KIF16B: variants seen among roughly 807,000 people sequenced by gnomAD.
KIF16B encodes the protein kinesin-like protein KIF16B.
In KIF16B, 98 loss-of-function variants were observed where a neutral mutation model predicts 156.3. The ratio of observed to expected loss-of-function variants is 0.63; its 90% CI spans 0.53 to 0.74. KIF16B has a LOEUF of 0.74. Ranked by LOEUF, KIF16B falls within the 30% of genes least tolerant of loss-of-function variation. The pLI is 0.00. For missense variants in KIF16B, 1,421 were observed against 1,606.5 expected, an observed-to-expected ratio of 0.88 and a Z score of 1.97; for synonymous variants, 564 against 583.7, an observed-to-expected ratio of 0.97 and a Z score of 0.49.
At chr20:16,406,266 C>T in intron 16 of KIF16B, 108 bp downstream of exon 16, 1 of 878,162 alleles carries the variant, frequency 1.1e-6, no homozygotes, top group Non-Finnish European at 1.9e-6. Context: ...ACTACTTTTC[C>T]ACGGTTCTGC....
intron 12 of KIF16B, among the ~76,000 whole-genome samples, chr20:16,475,816 C>A (rs6111155): frequency 0.38 from 57,824 of 151,990 alleles, 12,655 homozygotes; most frequent in African/African-American, 0.6. Flanking sequence ...ACCCAATTTT[C>A]AAAAACCTTT....
intron 23 of KIF16B, 23 bp downstream of exon 23, chr20:16,356,307 A>G (rs370895401): frequency 7.4e-6 from 12 of 1,613,804 alleles, no homozygotes; most frequent in Non-Finnish European, 1.0e-5. Context: ...TCCATTCTCC[A>G]GAAGAGTCAA....
chr20:16,301,914 T>G (rs936989430), intron 25 of KIF16B, among the ~76,000 whole-genome samples: 2 of 152,168 alleles, frequency 1.3e-5, no homozygotes, highest in Non-Finnish European at 2.9e-5. Flanking sequence ...CCTCTCAAAG[T>G]GTTGGGATTA....
At chr20:16,373,998 G>C (rs2064883335) in intron 20 of KIF16B, among the ~76,000 whole-genome samples, 1 of 152,208 alleles carries the variant, frequency 6.6e-6, no homozygotes, top group Non-Finnish European at 1.5e-5. Flanking sequence ...ATCCTCTGCA[G>C]ATATCAAGGG....
At chr20:16,350,195 GT>G (rs751120194) in intron 23 of KIF16B, among the ~76,000 whole-genome samples, 4 of 152,228 alleles carry the variant, frequency 2.6e-5, no homozygotes, top group Non-Finnish European at 4.4e-5. Flanking sequence ...TTGTCTGTGT[GT>G]AGTTCTGCAT....
At chr20:16,367,106 A>T in intron 22 of KIF16B, 1 of 1,508,280 alleles carries the variant, frequency 6.6e-7, no homozygotes, top group South Asian at 1.4e-5. Flanking sequence ...TTTATTAATG[A>T]TCTCAAAAAA....
At position 16,299,612 on chromosome 20, in the gene KIF16B, T is replaced by C. The variant is rs111738054; in HGVS notation, c.3795+12723A>G. Among the ~76,000 whole-genome samples, 1,105 of 152,308 alleles carry C rather than the reference T, an allele frequency of 7.3e-3. 21 individuals are homozygous for C. Among genetic ancestry groups the C allele is most frequent in the African/African-American group, 0.025 (1,048 of 41,576 alleles). ...GGTTGCAAAGAATTGCCACAGAAGG[T>C]CACTCTGTACCAAAGAGAACTTTGG... On this transcript the variant is annotated intron_variant, in intron 25 of 25. Transcript: ENST00000354981.
chr20:16,517,916 T>C (rs1328984092), intron 3 of KIF16B, among the ~76,000 whole-genome samples: 2 of 152,190 alleles, frequency 1.3e-5, no homozygotes, highest in African/African-American at 4.8e-5. Flanking sequence ...ACCAAAGTCA[T>C]GGAAAATATC....
rs368235877 is a variant in KIF16B, at chr20:16,428,095, T to C, written c.1475-854A>G. On this transcript the variant is annotated intron_variant, in intron 14 of 25. Coordinates refer to ENST00000354981, the MANE Select transcript of KIF16B (RefSeq NM_024704.5). ...TTAGAAGAAGAGGCCTGATGCCTAC[T>C]TCTACCCAAACATAGGTGAATCTGG... is the stretch of plus-strand genomic sequence containing the variant. Among the ~76,000 whole-genome samples the C allele has an allele frequency of 2.0e-5, 3 of 152,288 alleles. No individual in the cohort carries two copies. The East Asian group carries it at 5.8e-4, about 29-fold the overall frequency.
intron 22 of KIF16B, among the ~76,000 whole-genome samples, chr20:16,358,726 G>T (rs1042543203): frequency 6.6e-6 from 1 of 152,240 alleles, no homozygotes; most frequent in Non-Finnish European, 1.5e-5. Flanking sequence ...GGGGAATGGA[G>T]TGAGAACAAC....
chr20:16,498,737 G>T (rs995452616), intron 10 of KIF16B, among the ~76,000 whole-genome samples: 6 of 151,898 alleles, frequency 4.0e-5, no homozygotes, highest in Non-Finnish European at 7.4e-5. Flanking sequence ...ACTGCCTACA[G>T]TATGCATGGC....
intron 16 of KIF16B, among the ~76,000 whole-genome samples, chr20:16,405,365 T>C (rs1002000138): frequency 3.3e-5 from 5 of 152,278 alleles, no homozygotes; most frequent in African/African-American, 1.2e-4. Context: ...TTGGCAAACA[T>C]GTTTTTTCCC....
chr20:16,496,257 T>C (rs963580571), intron 11 of KIF16B, among the ~76,000 whole-genome samples: 1 of 152,234 alleles, frequency 6.6e-6, no homozygotes, highest in Admixed American at 6.5e-5. Flanking sequence ...ATTGGCAATT[T>C]ATGTGAGAAC....
At chr20:16,509,561 G>GA (rs1244127899) in intron 6 of KIF16B, among the ~76,000 whole-genome samples, 1 of 152,130 alleles carries the variant, frequency 6.6e-6, no homozygotes, top group Admixed American at 6.5e-5. Context: ...CTTTTACTAT[G>GA]AGTGAAATGC....
intron 10 of KIF16B, among the ~76,000 whole-genome samples, chr20:16,498,384 G>GA (rs1438648913): frequency 2.0e-5 from 3 of 151,536 alleles, no homozygotes; most frequent in Non-Finnish European, 4.4e-5. Context: ...TCCCTTGGAA[G>GA]AAAAAAGAAA....
chr20:16,344,225 C>A (rs2064190376), intron 23 of KIF16B, among the ~76,000 whole-genome samples: 1 of 152,184 alleles, frequency 6.6e-6, no homozygotes, highest in Admixed American at 6.5e-5. Context: ...TAATTAAAAT[C>A]TCTTAGACAA....
intron 25 of KIF16B, among the ~76,000 whole-genome samples, chr20:16,299,586 G>C (rs1042975480): frequency 6.6e-6 from 1 of 152,128 alleles, no homozygotes; most frequent in Non-Finnish European, 1.5e-5. Context: ...GAACCAGAAA[G>C]GGTTGCAAAG....
At chr20:16,312,285 G>T in intron 25 of KIF16B, 50 bp downstream of exon 25, 1 of 1,326,328 alleles carries the variant, frequency 7.5e-7, no homozygotes, top group Non-Finnish European at 1.1e-6. Context: ...TTACCGGTCA[G>T]ATGGTACATT....
At chr20:16,336,723 T>C (rs2064044884) in intron 23 of KIF16B, among the ~76,000 whole-genome samples, 1 of 152,290 alleles carries the variant, frequency 6.6e-6, no homozygotes, top group South Asian at 2.1e-4. Context: ...TTTCAAAGCA[T>C]TCTACCACCA....
Sources: gnomAD v4.1 joint callset for allele counts (sites outside exome capture counted in the v4.1 genomes callset) on GRCh38, gnomAD v4.1.1 for gene constraint, MANE v1.5 for transcripts, NCBI Gene and HGNC (gene_info 2026-07-23, HGNC 2026-07-21) for gene names.